GNG13: variants seen among roughly 807,000 people sequenced by gnomAD.
GNG13 encodes the protein guanine nucleotide-binding protein G(I)/G(S)/G(O) subunit gamma-13.
Under a neutral mutation model 8.2 loss-of-function variants are expected in GNG13, and 12 were observed. The ratio of observed to expected loss-of-function variants is 1.47; its 90% CI spans 0.94 to 2.38. The LOEUF is 2.38. Ranked by LOEUF, GNG13 falls within the 30% of genes most tolerant of loss-of-function variation. The probability of loss-of-function intolerance (pLI) is 0.00; values close to 1 mark genes in which losing one functional copy is unlikely to be tolerated. For synonymous variants in GNG13, 45 were observed against 33.0 expected (o/e 1.37, Z -1.25); for missense variants, 100 against 85.2 (o/e 1.17, Z -0.68).
Position 798,524 on chromosome 16 carries a change from G to C in GNG13, c.*195C>G. 1 of 682,448 alleles carries C rather than the reference G, an allele frequency of 1.5e-6. No individual in the cohort carries two copies. The allele number at this position is 682,448 out of a possible 1,614,324, so 42.3% of individuals were successfully genotyped here. A position where few individuals can be genotyped will look rare whatever the true frequency, so the allele number is the denominator to read the frequency against. Reference sequence around the variant, plus strand: ...GCTGGGCATAGTCTTACAAGATGGAGTGAGTGGGGCCGGGAGTGGGGCTCA... The same window carrying C: ...GCTGGGCATAGTCTTACAAGATGGACTGAGTGGGGCCGGGAGTGGGGCTCA... On this transcript the variant is annotated 3_prime_UTR_variant, in exon 3 of 3. Transcript: ENST00000248150.
At chr16:800,454 C>T (rs992217013) in intron 1 of GNG13, among the ~76,000 whole-genome samples, 4 of 152,310 alleles carry the variant, frequency 2.6e-5, no homozygotes, top group Admixed American at 6.5e-5. Flanking sequence ...GCACTGCAGG[C>T]GGCGCACGGC....
chr16:800,227 C>T (rs76675010), intron 1 of GNG13, among the ~76,000 whole-genome samples: 2,484 of 152,254 alleles, frequency 0.016, 65 homozygotes, highest in African/African-American at 0.056. Context: ...GCACCCCTAC[C>T]CGCCCCCATC....
chr16:800,310 C>T (rs1349265763), intron 1 of GNG13, among the ~76,000 whole-genome samples: 2 of 152,196 alleles, frequency 1.3e-5, no homozygotes, highest in African/African-American at 4.8e-5. Flanking sequence ...TGCGGGTCCT[C>T]CCAGGCCCGG....
intron 1 of GNG13, among the ~76,000 whole-genome samples, chr16:800,422 C>T (rs1358725776): frequency 6.6e-6 from 1 of 152,232 alleles, no homozygotes; most frequent in African/African-American, 2.4e-5. Context: ...CCGTGGACGC[C>T]CCCAGCCACG....
Position 798,303 on chromosome 16 carries a change from TCA to T in GNG13, c.*414_*415del. The T allele has an allele frequency of 2.0e-6, 1 of 493,494 alleles. No individual in the cohort carries two copies. Among genetic ancestry groups the T allele is most frequent in the South Asian group, 2.0e-5 (1 of 50,910 alleles). 30.6% of individuals were successfully genotyped at this position (493,494 alleles called of 1,614,324 possible). On this transcript the variant is annotated 3_prime_UTR_variant, in exon 3 of 3. Transcript: ENST00000248150. ...TTGTGAGTGGGGCCGGGAGTGGGGC[TCA>T]CAGGTTGGTGTGAGTGGGGCTGGGA...
chr16:800,432 G>A (rs928306803), intron 1 of GNG13, among the ~76,000 whole-genome samples: 5 of 152,184 alleles, frequency 3.3e-5, no homozygotes, highest in African/African-American at 4.8e-5. Flanking sequence ...CCCCAGCCAC[G>A]GGACTCGGTG....
In GNG13 at chr16:798,470, AG is replaced by A; in HGVS notation, c.*248del. The A allele has an allele frequency of 2.3e-6, 1 of 440,884 alleles. No individual in the cohort carries two copies. The highest frequency in any genetic ancestry group is 4.1e-6 in the Non-Finnish European group (1 of 245,440). 27.3% of individuals were successfully genotyped at this position (440,884 alleles called of 1,614,324 possible). A position where few individuals can be genotyped will look rare whatever the true frequency, so the allele number is the denominator to read the frequency against. ...ACAGGATGGTGGGAGTGGGGCTGGG[AG>A]TGGGACTCACAGGATGGAGTGAATG... On this transcript the variant is annotated 3_prime_UTR_variant, in exon 3 of 3. Coordinates refer to ENST00000248150, the MANE Select transcript of GNG13 (RefSeq NM_016541.3).
chr16:800,506 C>T (rs1307495605), intron 1 of GNG13, among the ~76,000 whole-genome samples, 160 bp downstream of exon 1: 1 of 152,238 alleles, frequency 6.6e-6, no homozygotes, highest in Non-Finnish European at 1.5e-5. Flanking sequence ...AGAGCCGCCT[C>T]CCTGCCTGCA....
At chr16:799,276 G>T (rs1002035161) in intron 1 of GNG13, among the ~76,000 whole-genome samples, 165 bp from the exon 2 acceptor site, 2 of 152,208 alleles carry the variant, frequency 1.3e-5, no homozygotes, top group Admixed American at 6.5e-5. Flanking sequence ...AGGGCACAGA[G>T]CGAGTTCCCA....
Position 799,070 on chromosome 16 carries a change from T to C in GNG13, c.8A>G (p.Glu3Gly). The C allele has an allele frequency of 1.3e-6, 2 of 1,598,078 alleles. No individual in the cohort carries two copies. Among genetic ancestry groups the C allele is most frequent in the Non-Finnish European group, 1.7e-6 (2 of 1,166,084 alleles). ...TTTCTTCATCTGTGGCACGTCCCAC[T>C]CCTCCATGGGGTCAGGGGCTTCTGA... ME[E>G]WDVPQMKKEV... is the part of the protein sequence containing the mutation. The change falls in exon 2 of 3, where the codon GAG (glutamate) becomes GGG (glycine). Residue 3 changes from glutamate (E) to glycine (G), a missense_variant. Glu to Gly is a moderately conservative substitution (Grantham distance 98). Coordinates refer to ENST00000248150, the MANE Select transcript of GNG13 (RefSeq NM_016541.3).
rs1204012684 is a variant in GNG13 at position 798,439 on chromosome 16, G to A, written c.*280C>T. On this transcript the variant is annotated 3_prime_UTR_variant, in exon 3 of 3. Coordinates refer to ENST00000248150, the MANE Select transcript of GNG13 (RefSeq NM_016541.3). ...GATGGTGGGAGTGGGGCTGGAAGTG[G>A]GGCTCACAGGATGGTGGGAGTGGGG... 1 of 559,080 alleles carries A rather than the reference G, an allele frequency of 1.8e-6. No individual in the cohort carries two copies. Among genetic ancestry groups the A allele is most frequent in the East Asian group, 3.3e-5 (1 of 30,752 alleles). The allele number at this position is 559,080 out of a possible 1,614,324, so 34.6% of individuals were successfully genotyped here.
At position 798,048 on chromosome 16, in the gene GNG13, A is replaced by G; in HGVS notation, c.*671T>C. 1 of 1,533,052 alleles carries G rather than the reference A, an allele frequency of 6.5e-7. No individual in the cohort carries two copies. The highest frequency in any genetic ancestry group is 8.8e-7 in the Non-Finnish European group (1 of 1,135,990). 95.0% of individuals were successfully genotyped at this position (1,533,052 alleles called of 1,614,324 possible). A position where few individuals can be genotyped will look rare whatever the true frequency, so the allele number is the denominator to read the frequency against. On this transcript the variant is annotated 3_prime_UTR_variant, in exon 3 of 3. Transcript: ENST00000248150. The stretch of plus-strand genomic sequence containing the variant: ...GAGACAGGAAGCTGGAGATGTCTTT[A>G]TAAAGTCACACCTTTACAGACTGTA...
At position 799,044 on chromosome 16, in the gene GNG13, C is replaced by T; in HGVS notation, c.34G>A (p.Glu12Lys). 1 of 1,610,754 alleles carries T rather than the reference C, an allele frequency of 6.2e-7. No homozygotes were observed. The highest frequency in any genetic ancestry group is 1.3e-5 in the African/African-American group (1 of 74,964). The change falls in exon 2 of 3, where the codon GAG becomes AAG. Residue 12 changes from glutamate to lysine, a missense_variant. By Grantham distance (56) the Glu-to-Lys change is moderately conservative (BLOSUM62 1). Transcript: ENST00000248150. ...AGCTGGTACTTGAGGCTCTCCACCT[C>T]TTTCTTCATCTGTGGCACGTCCCAC... Reference protein sequence around the residue: ...EEWDVPQMKKEVESLKYQLAF... With the variant: ...EEWDVPQMKKKVESLKYQLAF...
At chr16:799,257 C>T (rs1269614267) in intron 1 of GNG13, 146 bp from the exon 2 acceptor site, 3 of 603,292 alleles carry the variant, frequency 5.0e-6, no homozygotes, top group East Asian at 5.5e-5. Context: ...CTAGGCGTTG[C>T]TAGGGTGCAG....
Position 798,471 on chromosome 16 carries a change from G to A in GNG13, c.*248C>T. ...CAGGATGGTGGGAGTGGGGCTGGGA[G>A]TGGGACTCACAGGATGGAGTGAATG... On this transcript the variant is annotated 3_prime_UTR_variant, in exon 3 of 3. Transcript: ENST00000248150. 2 of 555,420 alleles carry A rather than the reference G, an allele frequency of 3.6e-6. No homozygotes were observed. The highest frequency in any genetic ancestry group is 3.3e-6 in the Non-Finnish European group (1 of 303,300). 34.4% of individuals were successfully genotyped at this position (555,420 alleles called of 1,614,324 possible).
chr16:799,303 G>T (rs1359832500), intron 1 of GNG13, among the ~76,000 whole-genome samples, 192 bp from the exon 2 acceptor site: 1 of 152,160 alleles, frequency 6.6e-6, no homozygotes, highest in Non-Finnish European at 1.5e-5. Context: ...CCCAGCTCCC[G>T]CCTCCTGCAC....
At chr16:800,526 C>T (rs569601021) in intron 1 of GNG13, 140 bp downstream of exon 1, 2 of 152,416 alleles carry the variant, frequency 1.3e-5, no homozygotes, top group African/African-American at 2.4e-5. Context: ...AGCACCGGCT[C>T]GGGTTGGGTT....
At chr16:800,063 G>T (rs1256385262) in intron 1 of GNG13, among the ~76,000 whole-genome samples, 1 of 151,380 alleles carries the variant, frequency 6.6e-6, no homozygotes, top group Admixed American at 6.6e-5. Context: ...CCTGAGGCTG[G>T]TGGGGTCCCG....
Position 798,049 on chromosome 16 carries a change from TA to T in GNG13, c.*669del. ...AGACAGGAAGCTGGAGATGTCTTTA[TA>T]AAGTCACACCTTTACAGACTGTAAT... On this transcript the variant is annotated 3_prime_UTR_variant, in exon 3 of 3. Coordinates refer to ENST00000248150, the MANE Select transcript of GNG13 (RefSeq NM_016541.3). The T allele has an allele frequency of 6.5e-7, 1 of 1,533,468 alleles. No homozygotes were observed. 95.0% of individuals were successfully genotyped at this position (1,533,468 alleles called of 1,614,324 possible).
Sources: gnomAD v4.1 joint callset for allele counts (sites outside exome capture counted in the v4.1 genomes callset) on GRCh38, gnomAD v4.1.1 for gene constraint, MANE v1.5 for transcripts, NCBI Gene and HGNC (gene_info 2026-07-23, HGNC 2026-07-21) for gene names.